EXOSC7: variants seen among roughly 807,000 people sequenced by gnomAD.
EXOSC7 encodes the protein exosome component 7, also known as exosome complex component RRP42.
Under a neutral mutation model 34.3 loss-of-function variants are expected in EXOSC7, and 25 were observed. The observed-to-expected ratio is 0.73, with a 90% CI of 0.53 to 1.02. EXOSC7 has a LOEUF of 1.02. Among genes scored for constraint, EXOSC7 ranks in the 50% least tolerant of loss-of-function variants. EXOSC7 has a pLI of 0.00. For missense variants in EXOSC7, 370 were observed against 368.5 expected (o/e 1.00, Z -0.03); for synonymous variants, 130 against 143.0 (o/e 0.91, Z 0.65).
At chr3:45,007,614 C>T (rs539043921) in intron 7 of EXOSC7, 39 bp downstream of exon 7, 49 of 1,542,526 alleles carry the variant, frequency 3.2e-5, no homozygotes, top group Middle Eastern at 3.6e-4. Context: ...GGGACCTGGC[C>T]GGGGTGCCTG....
chr3:44,980,465 G>T (rs1215901158), intron 1 of EXOSC7, among the ~76,000 whole-genome samples: 1 of 151,134 alleles, frequency 6.6e-6, no homozygotes, highest in Non-Finnish European at 1.5e-5. Flanking sequence ...GAGGAACTGA[G>T]CTCGGGCAGG....
At chr3:45,010,598 T>C (rs976198627) in intron 7 of EXOSC7, among the ~76,000 whole-genome samples, 1 of 152,162 alleles carries the variant, frequency 6.6e-6, no homozygotes, top group Non-Finnish European at 1.5e-5. Flanking sequence ...TTTTTTTACC[T>C]CTCGTGTCTG....
intron 3 of EXOSC7, among the ~76,000 whole-genome samples, chr3:44,994,876 TGTG>T (rs1423866641): frequency 6.6e-6 from 1 of 150,522 alleles, no homozygotes; most frequent in Non-Finnish European, 1.5e-5. Flanking sequence ...TGTGTGTGTG[TGTG>T]TGTGTGTGTG....
intron 1 of EXOSC7, among the ~76,000 whole-genome samples, chr3:44,979,364 C>T (rs1706214042): frequency 6.6e-6 from 1 of 152,234 alleles, no homozygotes; most frequent in South Asian, 2.1e-4. Flanking sequence ...GGTCCAGTAA[C>T]GTCCATTTCA....
At chr3:44,977,776 T>G (rs1297089050) in intron 1 of EXOSC7, among the ~76,000 whole-genome samples, 1 of 152,268 alleles carries the variant, frequency 6.6e-6, no homozygotes, top group Non-Finnish European at 1.5e-5. Flanking sequence ...ACCTTTGGTC[T>G]TCTTTGTTAC....
intron 3 of EXOSC7, 64 bp from the exon 4 acceptor site, chr3:44,997,023 T>C (rs931074548): frequency 6.6e-7 from 1 of 1,523,796 alleles, no homozygotes; most frequent in Non-Finnish European, 9.1e-7. Context: ...GGAATAAAGC[T>C]TTGCCTCTTT....
chr3:44,985,030 A>G (rs1199856358), intron 1 of EXOSC7, among the ~76,000 whole-genome samples: 2 of 152,202 alleles, frequency 1.3e-5, no homozygotes, highest in East Asian at 1.9e-4. Context: ...TCATACTTAC[A>G]CCATATTTAC....
intron 1 of EXOSC7, among the ~76,000 whole-genome samples, chr3:44,982,860 G>A (rs1190935240): frequency 6.6e-6 from 1 of 152,214 alleles, no homozygotes; most frequent in Non-Finnish European, 1.5e-5. Flanking sequence ...ACTCAACAGG[G>A]TTGGAAAGTC....
chr3:44,984,433 C>G (rs574103073), intron 1 of EXOSC7, among the ~76,000 whole-genome samples: 2 of 150,950 alleles, frequency 1.3e-5, no homozygotes, highest in East Asian at 1.9e-4. Context: ...CACCACTGCA[C>G]TACAGCCTGG....
At chr3:44,991,686 A>G (rs1559745343) in intron 3 of EXOSC7, among the ~76,000 whole-genome samples, 1 of 151,964 alleles carries the variant, frequency 6.6e-6, no homozygotes, top group Admixed American at 6.5e-5. Flanking sequence ...AGGATGAGTG[A>G]CTCTAGTGTG....
At chr3:44,982,896 C>T (rs147248773) in intron 1 of EXOSC7, among the ~76,000 whole-genome samples, 2 of 152,324 alleles carry the variant, frequency 1.3e-5, no homozygotes, top group Non-Finnish European at 2.9e-5. Context: ...CCTACTTTTG[C>T]CTGCTGTGTG....
chr3:44,978,181 G>A (rs551176999), intron 1 of EXOSC7, among the ~76,000 whole-genome samples: 2 of 152,342 alleles, frequency 1.3e-5, no homozygotes, highest in African/African-American at 2.4e-5. Flanking sequence ...ACCAGGGGCC[G>A]GGCATTGTGG....
At chr3:44,986,918 C>T (rs1489105404) in intron 1 of EXOSC7, among the ~76,000 whole-genome samples, 1 of 151,988 alleles carries the variant, frequency 6.6e-6, no homozygotes, top group Non-Finnish European at 1.5e-5. Flanking sequence ...TACTTTAGAG[C>T]AGTGTTTTAT....
At chr3:44,984,888 G>A (rs1352997157) in intron 1 of EXOSC7, among the ~76,000 whole-genome samples, 3 of 152,208 alleles carry the variant, frequency 2.0e-5, no homozygotes, top group Non-Finnish European at 4.4e-5. Flanking sequence ...GAATCACTTT[G>A]AGACTAATTT....
chr3:44,978,812 G>A (rs1260431983), intron 1 of EXOSC7, among the ~76,000 whole-genome samples: 1 of 152,178 alleles, frequency 6.6e-6, no homozygotes, highest in Non-Finnish European at 1.5e-5. Context: ...AGGTCTTAGA[G>A]GTTCAGTCAT....
At chr3:44,982,180 C>T (rs757397898) in intron 1 of EXOSC7, among the ~76,000 whole-genome samples, 27 of 152,222 alleles carry the variant, frequency 1.8e-4, no homozygotes, top group Non-Finnish European at 2.6e-4. Flanking sequence ...TCCTCTTTAA[C>T]TCCTTTCTTC....
At position 44,989,223 on chromosome 3, in the gene EXOSC7, G is replaced by A; in HGVS notation, c.141G>A (p.Gly47=). The change falls in exon 2 of 8, where the codon GGG becomes GGA. Residue 47 remains glycine (G), a synonymous_variant. Coordinates refer to ENST00000265564, the MANE Select transcript of EXOSC7 (RefSeq NM_015004.4). The stretch of plus-strand genomic sequence containing the variant: ...CTGATGTGGTGTCCAACACTAGTGG[G>A]TCCGCCAGGGTCAAGCTGGTGAGTA... The part of the protein sequence containing the change: ...VETDVVSNTS[G]SARVKLGHTD... 1.9e-6 allele frequency: 3 copies of A among 1,613,720 alleles called. No individual in the cohort carries two copies. Among genetic ancestry groups the A allele is most frequent in the Non-Finnish European group, 2.5e-6 (3 of 1,179,622 alleles).
At chr3:44,994,015 A>T (rs1706647011) in intron 3 of EXOSC7, among the ~76,000 whole-genome samples, 1 of 152,178 alleles carries the variant, frequency 6.6e-6, no homozygotes, top group East Asian at 1.9e-4. Context: ...CAAATTACAG[A>T]TTCAAGGAGA....
chr3:44,992,689 CTT>C (rs1158619909), intron 3 of EXOSC7, among the ~76,000 whole-genome samples: 1 of 152,146 alleles, frequency 6.6e-6, no homozygotes, highest in Non-Finnish European at 1.5e-5. Context: ...AATTTGGAAA[CTT>C]TAGGAAAAGG....
Sources: allele counts gnomAD v4.1 joint callset (sites outside exome capture counted in the v4.1 genomes callset), GRCh38; gene constraint gnomAD v4.1.1; transcripts MANE v1.5; gene names NCBI Gene and HGNC (gene_info 2026-07-23, HGNC 2026-07-21).